SLC35F4: variants seen among roughly 807,000 people sequenced by gnomAD.
SLC35F4 encodes chromosome 14 open reading frame 36.
A neutral mutation model predicts 44.2 loss-of-function variants in SLC35F4; 24 were observed. That is an observed-to-expected ratio of 0.54 (90% CI 0.39 to 0.76). SLC35F4 has a LOEUF of 0.76. Ranked by LOEUF, SLC35F4 falls within the 30% of genes least tolerant of loss-of-function variation. The pLI, the probability that SLC35F4 is intolerant of heterozygous loss-of-function variation, is 0.00. For synonymous variants in SLC35F4, 238 were observed against 223.6 expected (o/e 1.06, Z -0.57); for missense variants, 562 against 586.1 (o/e 0.96, Z 0.42).
rs112808653 is a variant in SLC35F4 at position 57,662,609 on chromosome 14, C to G, written c.104-68485G>C. On this transcript the variant is annotated intron_variant, in intron 1 of 7. Transcript: ENST00000556826. ...GCTGTCACTAGAAGTGGATCAGAGA[C>G]AGCTGCCAGATCTTTAACTTCCCAG... 4.3e-4 allele frequency among the ~76,000 whole-genome samples: 65 copies of G among 152,298 alleles called. 1 individual carries two copies. Among genetic ancestry groups the G allele is most frequent in the African/African-American group, 1.5e-3 (62 of 41,568 alleles).
At chr14:57,905,163 C>T (rs532299039) in intron 1 of SLC35F4, among the ~76,000 whole-genome samples, 1 of 152,292 alleles carries the variant, frequency 6.6e-6, no homozygotes, top group East Asian at 1.9e-4. Context: ...GCTGGAGGAT[C>T]TGCTACGAAG....
intron 1 of SLC35F4, among the ~76,000 whole-genome samples, chr14:57,961,290 T>A (rs2141088045): frequency 6.6e-6 from 1 of 152,142 alleles, no homozygotes; most frequent in Non-Finnish European, 1.5e-5. Flanking sequence ...AGGTGTAGAA[T>A]CCCAGCAGGA....
intron 1 of SLC35F4, among the ~76,000 whole-genome samples, chr14:57,948,185 A>G (rs1456774038): frequency 6.6e-6 from 1 of 151,874 alleles, no homozygotes; most frequent in Non-Finnish European, 1.5e-5. Flanking sequence ...TCTGTTGGCA[A>G]TTTTTTTATT....
chr14:57,637,138 A>AG (rs1453401237), intron 1 of SLC35F4, among the ~76,000 whole-genome samples: 1 of 152,150 alleles, frequency 6.6e-6, no homozygotes, highest in Non-Finnish European at 1.5e-5. Flanking sequence ...TTTATAGATG[A>AG]GGAAACCAAG....
chr14:57,621,662 T>C (rs2072188002), intron 1 of SLC35F4, among the ~76,000 whole-genome samples: 1 of 152,122 alleles, frequency 6.6e-6, no homozygotes. Context: ...ATACAAAAAT[T>C]AATTCAAGAT....
At chr14:57,659,412 T>C (rs2140230809) in intron 1 of SLC35F4, among the ~76,000 whole-genome samples, 1 of 152,296 alleles carries the variant, frequency 6.6e-6, no homozygotes, top group East Asian at 1.9e-4. Context: ...TACAATGAAC[T>C]AGTTCCTACA....
intron 4 of SLC35F4, among the ~76,000 whole-genome samples, 154 bp from the exon 5 acceptor site, chr14:57,572,173 T>C (rs1282688577): frequency 6.6e-6 from 1 of 152,216 alleles, no homozygotes; most frequent in East Asian, 1.9e-4. Context: ...GTATTAGAAA[T>C]AAATCAATAT....
At position 57,735,157 on chromosome 14, in the gene SLC35F4, G is replaced by T. The variant is rs80091716; in HGVS notation, c.103+130566C>A. ...CCCACTTATGATACTTAGGGTATTC[G>T]TGACTTAGTTGCAGACTTTTTTTTC... On this transcript the variant is annotated intron_variant, in intron 1 of 7. Coordinates refer to ENST00000556826, the MANE Select transcript of SLC35F4 (RefSeq NM_001306087.2). 2.6e-5 allele frequency among the ~76,000 whole-genome samples: 4 copies of T among 152,100 alleles called. No homozygotes were observed. The South Asian group carries it at 6.2e-4, about 24-fold the overall frequency.
chr14:57,887,179 G>A (rs1434591155), intron 1 of SLC35F4, among the ~76,000 whole-genome samples: 1 of 152,192 alleles, frequency 6.6e-6, no homozygotes, highest in Non-Finnish European at 1.5e-5. Context: ...GAGGCCCACA[G>A]TTCTGTAGTC....
intron 1 of SLC35F4, among the ~76,000 whole-genome samples, chr14:57,732,864 G>A (rs1092018): frequency 0.44 from 67,027 of 151,946 alleles, 15,722 homozygotes; most frequent in Non-Finnish European, 0.53. Flanking sequence ...TTCAAAGACT[G>A]CATGCAAAAT....
chr14:57,854,338 T>C (rs1245310879), intron 1 of SLC35F4, among the ~76,000 whole-genome samples: 2 of 152,182 alleles, frequency 1.3e-5, no homozygotes, highest in African/African-American at 2.4e-5. Context: ...AAATTATAAC[T>C]CCAAAGACTA....
chr14:57,720,397 G>T (rs1355736885), intron 1 of SLC35F4, among the ~76,000 whole-genome samples: 1 of 152,116 alleles, frequency 6.6e-6, no homozygotes, highest in Non-Finnish European at 1.5e-5. Flanking sequence ...AACTGTTTGA[G>T]TAGGATTAAT....
chr14:57,625,217 T>A (rs181483500), intron 1 of SLC35F4, among the ~76,000 whole-genome samples: 1 of 151,850 alleles, frequency 6.6e-6, no homozygotes, highest in African/African-American at 2.4e-5. Flanking sequence ...ACAAAGAGAA[T>A]AAAATACATA....
chr14:57,608,512 T>C (rs1288935416), intron 1 of SLC35F4, among the ~76,000 whole-genome samples: 7 of 152,070 alleles, frequency 4.6e-5, no homozygotes, highest in Non-Finnish European at 8.8e-5. Flanking sequence ...ACAGACTGCC[T>C]CCCACAGGCC....
chr14:57,703,728 G>A (rs1357260078), intron 1 of SLC35F4, among the ~76,000 whole-genome samples: 1 of 152,060 alleles, frequency 6.6e-6, no homozygotes, highest in African/African-American at 2.4e-5. Context: ...AAACTCCTCA[G>A]GAAATTATTT....
intron 1 of SLC35F4, among the ~76,000 whole-genome samples, chr14:57,611,035 G>A (rs980568060): frequency 2.6e-5 from 4 of 152,244 alleles, no homozygotes; most frequent in African/African-American, 9.6e-5. Flanking sequence ...AGGTTGTGCA[G>A]GGATGCTTCT....
chr14:57,976,932 A>G (rs1300884967), exon 2 of SLC35F4: 2 of 152,228 alleles, frequency 1.3e-5, no homozygotes, highest in African/African-American at 4.8e-5. Context: ...TGTCCACCAT[A>G]TGGATAACAT....
chr14:57,883,525 TA>T (rs1365180486), intron 1 of SLC35F4, among the ~76,000 whole-genome samples: 1 of 152,200 alleles, frequency 6.6e-6, no homozygotes, highest in Admixed American at 6.5e-5. Context: ...GGACTTAATT[TA>T]GTAAGGATGG....
At chr14:57,683,759 C>T (rs562913970) in intron 1 of SLC35F4, among the ~76,000 whole-genome samples, 22 of 152,270 alleles carry the variant, frequency 1.4e-4, no homozygotes, top group African/African-American at 5.3e-4. Context: ...GCCTATGACT[C>T]CCTCCCTGGT....
Sources: gnomAD v4.1 joint callset for allele counts (sites outside exome capture counted in the v4.1 genomes callset) on GRCh38, gnomAD v4.1.1 for gene constraint, MANE v1.5 for transcripts, NCBI Gene and HGNC (gene_info 2026-07-23, HGNC 2026-07-21) for gene names.